Variants in GPHN observed in about 807,000 individuals in gnomAD.
The protein encoded by GPHN is gephyrin.
Under a neutral mutation model 95.5 loss-of-function variants are expected in GPHN, and 17 were observed. The ratio of observed to expected loss-of-function variants is 0.18; its 90% CI spans 0.12 to 0.27. The LOEUF (loss-of-function observed/expected upper bound fraction) is 0.27. Among genes scored for constraint, GPHN ranks in the 10% least tolerant of loss-of-function variants. The pLI is 1.00. For synonymous variants in GPHN, 320 were observed against 322.5 expected (o/e 0.99, Z 0.08); for missense variants, 660 against 978.1 (o/e 0.67, Z 4.34).
intron 10 of GPHN, among the ~76,000 whole-genome samples, chr14:67,045,616 T>G (rs2074972501): frequency 6.6e-6 from 1 of 151,814 alleles, no homozygotes. Context: ...TGTCTGTGTC[T>G]CTGTCTCTCT....
chr14:66,841,387 G>A (rs1448931335), intron 4 of GPHN, among the ~76,000 whole-genome samples: 1 of 152,188 alleles, frequency 6.6e-6, no homozygotes, highest in African/African-American at 2.4e-5. Flanking sequence ...GTGTAACAGA[G>A]TAGAGGCATG....
the GPHN span, chr14:67,199,358 G>A: frequency 1.2e-6 from 2 of 1,613,938 alleles, no homozygotes; most frequent in Non-Finnish European, 1.7e-6. Flanking sequence ...GGATGTAGGG[G>A]CCAACATTTT....
the GPHN span, among the ~76,000 whole-genome samples, chr14:67,409,510 T>C: frequency 6.6e-6 from 1 of 152,326 alleles, no homozygotes; most frequent in South Asian, 2.1e-4. Context: ...ATTCACAATA[T>C]GAGCCCAGCA....
the GPHN span, among the ~76,000 whole-genome samples, chr14:67,354,327 T>A: frequency 6.6e-6 from 1 of 152,226 alleles, no homozygotes; most frequent in Non-Finnish European, 1.5e-5. Context: ...CTTATTTGAT[T>A]TGTAAGTTAA....
At chr14:67,290,230 G>A in the GPHN span, among the ~76,000 whole-genome samples, 8 of 152,096 alleles carry the variant, frequency 5.3e-5, no homozygotes, top group Non-Finnish European at 1.0e-4. Context: ...CGAAAAAAGT[G>A]ACATAACTAA....
At position 67,008,947 on chromosome 14, in the gene GPHN, T is replaced by C. The variant is rs2072794672; in HGVS notation, c.964-14686T>C. Reference sequence around the variant, plus strand: ...ATTTGTGCTTTTACAGTCTGCTTTATGTTTTGAAGGTTGAAGTAAAAAATG... The same window carrying C: ...ATTTGTGCTTTTACAGTCTGCTTTACGTTTTGAAGGTTGAAGTAAAAAATG... On this transcript the variant is annotated intron_variant, in intron 9 of 22. Transcript: ENST00000478722. Among the ~76,000 whole-genome samples, 4 of 152,316 alleles carry C rather than the reference T, an allele frequency of 2.6e-5. No individual in the cohort carries two copies. The South Asian group carries it at 8.3e-4, about 32-fold the overall frequency.
At chr14:67,586,510 G>A in the GPHN span, 1 of 891,154 alleles carries the variant, frequency 1.1e-6, no homozygotes, top group South Asian at 1.4e-5. Flanking sequence ...TACAAAGTGG[G>A]ACAGTCCCAC....
At chr14:66,894,213 C>T (rs2064696793) in intron 5 of GPHN, among the ~76,000 whole-genome samples, 1 of 152,130 alleles carries the variant, frequency 6.6e-6, no homozygotes, top group African/African-American at 2.4e-5. Flanking sequence ...TACCACACAT[C>T]TACCACTATC....
intron 8 of GPHN, among the ~76,000 whole-genome samples, chr14:66,947,163 T>C (rs1297791729): frequency 1.3e-5 from 2 of 152,226 alleles, no homozygotes; most frequent in East Asian, 3.8e-4. Context: ...TATTGCTTAC[T>C]AAGCTCCATA....
At chr14:66,882,297 T>C (rs2063967153) in intron 5 of GPHN, among the ~76,000 whole-genome samples, 1 of 151,970 alleles carries the variant, frequency 6.6e-6, no homozygotes, top group South Asian at 2.1e-4. Flanking sequence ...TTACTATGGA[T>C]AAATCAGTGT....
At chr14:66,572,057 T>C (rs2060715251) in intron 1 of GPHN, among the ~76,000 whole-genome samples, 1 of 152,216 alleles carries the variant, frequency 6.6e-6, no homozygotes, top group Admixed American at 6.5e-5. Context: ...ATTCTTGACA[T>C]CTTTGTCAAA....
intron 2 of GPHN, among the ~76,000 whole-genome samples, chr14:66,753,090 A>G (rs892381276): frequency 6.6e-6 from 1 of 152,090 alleles, no homozygotes. Flanking sequence ...CTGATTTTCA[A>G]CCATGTCCGT....
intron 1 of GPHN, among the ~76,000 whole-genome samples, chr14:66,661,993 G>A (rs996482620): frequency 5.3e-5 from 8 of 152,222 alleles, no homozygotes; most frequent in African/African-American, 1.4e-4. Flanking sequence ...TCCCATGGAT[G>A]TTCTGTGGCT....
chr14:66,654,341 T>G (rs1361450228), intron 1 of GPHN, among the ~76,000 whole-genome samples: 1 of 152,060 alleles, frequency 6.6e-6, no homozygotes, highest in Admixed American at 6.6e-5. Flanking sequence ...GTGATCCGCC[T>G]GCCTCAGCCT....
At chr14:67,610,314 A>C in the GPHN span, among the ~76,000 whole-genome samples, 1 of 152,174 alleles carries the variant, frequency 6.6e-6, no homozygotes, top group African/African-American at 2.4e-5. Context: ...TCTAGTGCAG[A>C]GGCCAAGATA....
At chr14:66,825,869 T>C (rs1241814693) in intron 4 of GPHN, among the ~76,000 whole-genome samples, 1 of 152,200 alleles carries the variant, frequency 6.6e-6, no homozygotes, top group Admixed American at 6.5e-5. Context: ...GGCAAAGTTT[T>C]ACATTTCTTT....
the GPHN span, chr14:67,663,059 GC>G: frequency 1.4e-6 from 2 of 1,462,290 alleles, no homozygotes; most frequent in South Asian, 2.9e-5. Context: ...CTGGTGTGGT[GC>G]TTGTTTTTCT....
At chr14:67,150,453 C>CAAAAAAAAAAAAAAAAAAAAAAAA in intron 18 of GPHN, among the ~76,000 whole-genome samples, 1 of 98,056 alleles carries the variant, frequency 1.0e-5, no homozygotes, top group African/African-American at 3.9e-5. Flanking sequence ...AAAAAAAAAA[C>CAAAAAAAAAAAAAAAAAAAAAAAA]AAAAAAAAAA....
At chr14:67,693,592 G>C in the GPHN span, among the ~76,000 whole-genome samples, 5 of 150,966 alleles carry the variant, frequency 3.3e-5, no homozygotes, top group African/African-American at 1.2e-4. Context: ...ACAAAGGGGA[G>C]CTGGGATTCA....
Sources: allele counts gnomAD v4.1 joint callset (sites outside exome capture counted in the v4.1 genomes callset), GRCh38; gene constraint gnomAD v4.1.1; transcripts MANE v1.5; gene names NCBI Gene and HGNC (gene_info 2026-07-23, HGNC 2026-07-21).